TTC16: variants seen among roughly 807,000 people sequenced by gnomAD.
TTC16 encodes the protein tetratricopeptide repeat protein 16.
TTC16 carries 66 observed loss-of-function variants against 80.4 expected under a neutral mutation model. The observed-to-expected ratio is 0.82, with a 90% CI of 0.67 to 1.01. The LOEUF (loss-of-function observed/expected upper bound fraction) is 1.01, where lower values mean the gene tolerates loss of function less well. Among genes scored for constraint, TTC16 ranks in the 50% least tolerant of loss-of-function variants. TTC16 has a pLI of 0.00. For synonymous variants in TTC16, 438 were observed against 451.3 expected, an observed-to-expected ratio of 0.97 and a Z score of 0.37; for missense variants, 1,070 against 1,103.2, an observed-to-expected ratio of 0.97 and a Z score of 0.43.
At chr9:127,716,332 C>T in intron 1 of TTC16, 169 bp downstream of exon 1, 1 of 1,008,942 alleles carries the variant, frequency 9.9e-7, no homozygotes, top group East Asian at 2.5e-5. Context: ...CCTTGTAAGG[C>T]TCGGCGGCTG....
rs191925913 is a variant in TTC16 at position 127,723,851 on chromosome 9, G to A, written c.873-269G>A. Among the ~76,000 whole-genome samples, 234 of 151,852 alleles carry A rather than the reference G, an allele frequency of 1.5e-3. 1 individual carries two copies. Among genetic ancestry groups the A allele is most frequent in the Middle Eastern group, 6.8e-3 (2 of 294 alleles). On this transcript the variant is annotated intron_variant, in intron 7 of 13. Transcript: ENST00000373289. ...AAAACACCTGCTTCTTGTACAAAATGCTTTAATGTAGAGACTGGCATACAC... is the reference window on the plus strand; with the variant it reads ...AAAACACCTGCTTCTTGTACAAAATACTTTAATGTAGAGACTGGCATACAC...
rs1019801051 is a variant in TTC16, at chr9:127,718,384, G to A, written c.426+612G>A. Among the ~76,000 whole-genome samples, 3 of 152,030 alleles carry A rather than the reference G, an allele frequency of 2.0e-5. No homozygotes were observed. The highest frequency in any genetic ancestry group is 2.9e-5 in the Non-Finnish European group (2 of 68,026). On this transcript the variant is annotated intron_variant, in intron 4 of 13. Coordinates refer to ENST00000373289, the MANE Select transcript of TTC16 (RefSeq NM_144965.3). The surrounding 1 kb of genome is among the most constrained non-coding windows in gnomAD (Gnocchi z 4.6). Reference sequence around the variant, plus strand: ...ATTACAGATGTGAGCCACTGCGCCCGGCCTCTTATTTTTATTTTAATTAAT... The same window carrying A: ...ATTACAGATGTGAGCCACTGCGCCCAGCCTCTTATTTTTATTTTAATTAAT...
chr9:127,724,937 C>T (rs761445018), intron 9 of TTC16, 40 bp downstream of exon 9: 5 of 1,454,020 alleles, frequency 3.4e-6, no homozygotes, highest in East Asian at 5.1e-5. Context: ...GGGGCAGGCC[C>T]GAGGGCAGGG....
intron 5 of TTC16, 27 bp from the exon 6 acceptor site, chr9:127,720,239 C>T (rs371579534): frequency 8.4e-5 from 135 of 1,613,224 alleles, no homozygotes; most frequent in Non-Finnish European, 1.0e-4. Context: ...ACCCGGGAAA[C>T]GAGCACTCTG....
intron 9 of TTC16, among the ~76,000 whole-genome samples, chr9:127,725,291 A>G (rs1321092547): frequency 1.3e-5 from 2 of 151,406 alleles, no homozygotes; most frequent in African/African-American, 2.4e-5. Flanking sequence ...AAGGCTGGGC[A>G]CGGTGGCTCA....
In TTC16 at chr9:127,722,725, G is replaced by A. The variant is rs1205887092; in HGVS notation, c.658-394G>A. Among the ~76,000 whole-genome samples the A allele has an allele frequency of 2.0e-5, 3 of 152,156 alleles. No individual in the cohort carries two copies. Among genetic ancestry groups the A allele is most frequent in the Non-Finnish European group, 4.4e-5 (3 of 68,026 alleles). ...AATCCCAGCACTTCGGGAGGCCAAGGTGGGCGGATCACCTAAGGTCAGGAG... is the reference window on the plus strand; with the variant it reads ...AATCCCAGCACTTCGGGAGGCCAAGATGGGCGGATCACCTAAGGTCAGGAG... On this transcript the variant is annotated intron_variant, in intron 6 of 13. Transcript: ENST00000373289. The surrounding 1 kb of genome is among the most constrained non-coding windows in gnomAD (Gnocchi z 4.2).
Position 127,717,629 on chromosome 9 carries a change from G to A in TTC16, c.283G>A (p.Val95Met), listed in dbSNP as rs1248947544. The A allele has an allele frequency of 6.2e-7, 1 of 1,613,518 alleles. No individual in the cohort carries two copies. The highest frequency in any genetic ancestry group is 8.5e-7 in the Non-Finnish European group (1 of 1,179,756). Residue 95 changes from valine to methionine, a missense_variant and splice_region_variant, in exon 4 of 14, where the codon GTG (valine) becomes ATG (methionine). Physicochemically the swap from Val to Met is conservative, Grantham distance 21 (BLOSUM62 1). Transcript: ENST00000373289. Reference sequence around the variant, plus strand: ...GCAGCCTGGGTCCCCTCACCCTCAGGTGGACTTCTATGCCTTACGGGCTGA... The same window carrying A: ...GCAGCCTGGGTCCCCTCACCCTCAGATGGACTTCTATGCCTTACGGGCTGA... ...SRALHLDPQLVDFYALRAEAY... is the reference protein window; with the variant it reads ...SRALHLDPQLMDFYALRAEAY...
rs1564392098 is a variant in TTC16, at chr9:127,727,300, G to GA, written c.1601dup (p.Ala535GlyfsTer26). ...TTAAACGGCACGAGTTGGAGCGCCA[G>GA]AAGGCCTTGGCCCTGCAGCACTCAT... On this transcript the variant is annotated frameshift_variant, in exon 12 of 14. Coordinates refer to ENST00000373289, the MANE Select transcript of TTC16 (RefSeq NM_144965.3). LOFTEE classifies it high-confidence loss of function. 6.3e-7 allele frequency: 1 copy of GA among 1,578,558 alleles called. No individual in the cohort carries two copies. The highest frequency in any genetic ancestry group is 1.1e-5 in the South Asian group (1 of 88,490).
In TTC16 at chr9:127,722,731, G is replaced by A. The variant is rs916160961; in HGVS notation, c.658-388G>A. ...AGCACTTCGGGAGGCCAAGGTGGGC[G>A]GATCACCTAAGGTCAGGAGTTTGAG... is the stretch of plus-strand genomic sequence containing the variant. On this transcript the variant is annotated intron_variant, in intron 6 of 13. Transcript: ENST00000373289. The surrounding 1 kb of genome is among the most constrained non-coding windows in gnomAD (Gnocchi z 4.2). Among the ~76,000 whole-genome samples the A allele has an allele frequency of 1.3e-5, 2 of 152,036 alleles. No individual in the cohort carries two copies. Among genetic ancestry groups the A allele is most frequent in the Non-Finnish European group, 1.5e-5 (1 of 68,002 alleles).
intron 13 of TTC16, 91 bp downstream of exon 13, chr9:127,729,759 C>A (rs1013546691): frequency 8.2e-7 from 1 of 1,224,704 alleles, no homozygotes; most frequent in Non-Finnish European, 1.2e-6. Context: ...CCTAGGTGTG[C>A]GTTCGGCCCC....
chr9:127,724,414 C>T (rs1399294230), intron 8 of TTC16, 50 bp downstream of exon 8: 1 of 1,600,948 alleles, frequency 6.2e-7, no homozygotes, highest in South Asian at 1.1e-5. Flanking sequence ...GGAGCCTCGC[C>T]ATCTCTAAGG....
chr9:127,720,100 G>T lies in TTC16; in HGVS notation c.449G>T (p.Cys150Phe). Residue 150 changes from cysteine to phenylalanine, a missense_variant, in exon 5 of 14, where the codon TGT (cysteine) becomes TTT (phenylalanine). Cys to Phe is a radical substitution (Grantham distance 205). Coordinates refer to ENST00000373289, the MANE Select transcript of TTC16 (RefSeq NM_144965.3). ...CAGGGACAATGCCTTTTTGAGCAGTGTGCCTTCCTGGATGCCCTGAATGTC... is the reference window on the plus strand; with the variant it reads ...CAGGGACAATGCCTTTTTGAGCAGTTTGCCTTCCTGGATGCCCTGAATGTC... Reference protein sequence around the residue: ...YLQGQCLFEQCAFLDALNVFS... With the variant: ...YLQGQCLFEQFAFLDALNVFS... 6.2e-7 allele frequency: 1 copy of T among 1,613,860 alleles called. No individual in the cohort carries two copies. Among genetic ancestry groups the T allele is most frequent in the Non-Finnish European group, 8.5e-7 (1 of 1,180,008 alleles).
At chr9:127,730,361 C>G (rs965218600) in intron 13 of TTC16, 27 of 507,576 alleles carry the variant, frequency 5.3e-5, no homozygotes, top group Non-Finnish European at 7.4e-5. Context: ...CTGGGGCTGT[C>G]TGCTGCAACA....
chr9:127,722,453 C>CAGGGG lies in TTC16; in HGVS notation c.658-656_658-652dup, dbSNP rs1843585321. On this transcript the variant is annotated intron_variant, in intron 6 of 13. Coordinates refer to ENST00000373289, the MANE Select transcript of TTC16 (RefSeq NM_144965.3). The surrounding 1 kb of genome is among the most constrained non-coding windows in gnomAD (Gnocchi z 4.2). ...AGGTCAGGGAGGAGAAGAGGGAGTG[C>CAGGGG]AGGGGAGGGGAGGGAGGACACAACC... Among the ~76,000 whole-genome samples, 2 of 152,230 alleles carry CAGGGG rather than the reference C, an allele frequency of 1.3e-5. No individual in the cohort carries two copies. Among genetic ancestry groups the CAGGGG allele is most frequent in the African/African-American group, 4.8e-5 (2 of 41,546 alleles).
intron 6 of TTC16, 108 bp from the exon 7 acceptor site, chr9:127,723,011 G>T (rs1022127807): frequency 3.9e-6 from 4 of 1,035,754 alleles, no homozygotes; most frequent in East Asian, 2.5e-5. Flanking sequence ...GGAGGGATGT[G>T]AGGGGCACGG....
intron 6 of TTC16, among the ~76,000 whole-genome samples, chr9:127,721,909 G>C (rs1843544647): frequency 6.6e-6 from 1 of 152,110 alleles, no homozygotes; most frequent in Non-Finnish European, 1.5e-5. Flanking sequence ...GATACCCCCT[G>C]CCTCGGCCTC....
chr9:127,720,922 T>TCCTCCC (rs1316511232), intron 6 of TTC16, among the ~76,000 whole-genome samples: 288 of 28,704 alleles, frequency 0.01, 5 homozygotes, highest in African/African-American at 0.033. Context: ...CCCTCCTCCC[T>TCCTCCC]TCCTCCCTTC....
rs368207721 is a variant in TTC16 at position 127,726,490 on chromosome 9, T to G, written c.1425+86T>G. ...TCCTCGGCCCCCAAAGAAATCTGGT[T>G]TGATAACAATCATAAGGCCAGGCAT... On this transcript the variant is annotated intron_variant, in intron 10 of 13. Coordinates refer to ENST00000373289, the MANE Select transcript of TTC16 (RefSeq NM_144965.3). 2.5e-4 allele frequency: 355 copies of G among 1,405,256 alleles called. 1 individual carries two copies. Among genetic ancestry groups the G allele is most frequent in the South Asian group, 2.4e-3 (154 of 63,504 alleles). 87.0% of individuals were successfully genotyped at this position (1,405,256 alleles called of 1,614,324 possible). A position where few individuals can be genotyped will look rare whatever the true frequency, so the allele number is the denominator to read the frequency against.
At chr9:127,729,218 G>C (rs757010094) in intron 12 of TTC16, 33 of 197,360 alleles carry the variant, frequency 1.7e-4, no homozygotes, top group Non-Finnish European at 3.2e-4. Flanking sequence ...GAATGGATGG[G>C]GGTAAAGCCT....
Sources: allele counts gnomAD v4.1 joint callset (sites outside exome capture counted in the v4.1 genomes callset), GRCh38; gene constraint gnomAD v4.1.1; non-coding constraint Gnocchi (gnomAD v3.1); transcripts MANE v1.5; gene names NCBI Gene and HGNC (gene_info 2026-07-23, HGNC 2026-07-21).